The following DCLRE1C variants were observed in gnomAD, a reference collection of about 807,000 sequenced individuals.
DCLRE1C encodes the protein DNA cross-link repair 1C, also known as protein artemis.
A neutral mutation model predicts 61.4 loss-of-function variants in DCLRE1C; 47 were observed. That is an observed-to-expected ratio of 0.77 (90% CI 0.61 to 0.98). The LOEUF is 0.98. DCLRE1C is among the 50% of genes least tolerant of loss of function. DCLRE1C has a pLI of 0.00. For missense variants in DCLRE1C, 858 were observed against 816.0 expected, an observed-to-expected ratio of 1.05 and a Z score of -0.63; for synonymous variants, 337 against 287.6, an observed-to-expected ratio of 1.17 and a Z score of -1.74.
At chr10:14,926,093 C>T (rs1837928415) in intron 11 of DCLRE1C, among the ~76,000 whole-genome samples, 1 of 152,230 alleles carries the variant, frequency 6.6e-6, no homozygotes, top group Non-Finnish European at 1.5e-5. Flanking sequence ...CCCTGCGGAA[C>T]TATGAGTCAA....
At chr10:14,936,506 T>A (rs1165063477) in intron 5 of DCLRE1C, 32 bp downstream of exon 5, 1 of 1,576,264 alleles carries the variant, frequency 6.3e-7, no homozygotes, top group Non-Finnish European at 8.7e-7. Context: ...TGTCTACATA[T>A]AATAAAATGA....
intron 1 of DCLRE1C, among the ~76,000 whole-genome samples, chr10:14,950,379 A>G (rs1429359729): frequency 1.3e-5 from 2 of 151,432 alleles, no homozygotes; most frequent in Admixed American, 1.3e-4. Context: ...AAAAAAAACA[A>G]GAACAATAAA....
At chr10:14,937,108 A>T (rs1179982939) in intron 4 of DCLRE1C, among the ~76,000 whole-genome samples, 3 of 152,144 alleles carry the variant, frequency 2.0e-5, no homozygotes, top group Non-Finnish European at 4.4e-5. Context: ...GAACCCATGG[A>T]GACAGAGAGT....
At chr10:14,917,026 C>A (rs147386524) in intron 13 of DCLRE1C, among the ~76,000 whole-genome samples, 1 of 152,198 alleles carries the variant, frequency 6.6e-6, no homozygotes, top group Non-Finnish European at 1.5e-5. Flanking sequence ...CTACAGTAAT[C>A]GAGATGGGTG....
rs1834315999 is a variant in DCLRE1C at position 14,905,465 on chromosome 10, A to C, written c.*2943T>G. On this transcript the variant is annotated 3_prime_UTR_variant, in exon 14 of 14. Transcript: ENST00000378278. ...CTTTTATATGTATTCATGTGCTTCT[A>C]ATGAACCTGTCAGGTTGGTGTAAGG... Among the ~76,000 whole-genome samples the C allele has an allele frequency of 6.6e-6, 1 of 152,226 alleles. No individual in the cohort carries two copies. The highest frequency in any genetic ancestry group is 6.5e-5 in the Admixed American group (1 of 15,280).
chr10:14,926,541 C>G (rs578152810), intron 11 of DCLRE1C, among the ~76,000 whole-genome samples: 1 of 151,680 alleles, frequency 6.6e-6, no homozygotes, highest in South Asian at 2.1e-4. Context: ...GTAGTCCCAG[C>G]TATTCGGGAG....
At chr10:14,915,640 A>T (rs1198440267) in intron 13 of DCLRE1C, among the ~76,000 whole-genome samples, 3 of 138,526 alleles carry the variant, frequency 2.2e-5, no homozygotes, top group Non-Finnish European at 4.6e-5. Flanking sequence ...ATTTGTAGTT[A>T]AAAAAAAAAA....
chr10:14,915,083 CAAAGG>C (rs1380658339), intron 13 of DCLRE1C, among the ~76,000 whole-genome samples: 1 of 151,604 alleles, frequency 6.6e-6, no homozygotes, highest in Non-Finnish European at 1.5e-5. Flanking sequence ...GAAAAAAAGT[CAAAGG>C]AAAAATTTAA....
chr10:14,921,736 C>A (rs1837153905), intron 12 of DCLRE1C, among the ~76,000 whole-genome samples: 1 of 152,172 alleles, frequency 6.6e-6, no homozygotes, highest in Non-Finnish European at 1.5e-5. Flanking sequence ...GGGCCACTCT[C>A]TCCATCTTGG....
chr10:14,925,642 G>C (rs972445096), intron 11 of DCLRE1C, among the ~76,000 whole-genome samples: 3 of 152,112 alleles, frequency 2.0e-5, no homozygotes, highest in African/African-American at 7.2e-5. Context: ...ATGGTCAATA[G>C]CCCTATAACC....
At position 14,934,526 on chromosome 10, in the gene DCLRE1C, C is replaced by A. The variant is rs1322651521; in HGVS notation, c.538-6G>T. ...ACTCCACTTAAACACTCCTCCTAGA[C>A]AGGATTTTAAAGAGACATTTAACAG... On this transcript the variant is annotated splice_region_variant and splice_polypyrimidine_tract_variant and intron_variant, in intron 7 of 13. Transcript: ENST00000378278. 1 of 1,614,112 alleles carries A rather than the reference C, an allele frequency of 6.2e-7. No individual in the cohort carries two copies. Among genetic ancestry groups the A allele is most frequent in the Non-Finnish European group, 8.5e-7 (1 of 1,180,032 alleles).
intron 13 of DCLRE1C, among the ~76,000 whole-genome samples, chr10:14,919,508 C>T (rs186743117): frequency 1.3e-5 from 2 of 152,322 alleles, no homozygotes; most frequent in Non-Finnish European, 2.9e-5. Context: ...ACACCACACA[C>T]GATGGCACCG....
At position 14,908,203 on chromosome 10, in the gene DCLRE1C, T is replaced by A; in HGVS notation, c.*205A>T. On this transcript the variant is annotated 3_prime_UTR_variant, in exon 14 of 14. Transcript: ENST00000378278. ...TTTTTTTTTTGTAAGTAGAGACACA[T>A]TTCACTGTGTTGGCCAGGCTGGTGT... The A allele has an allele frequency of 1.1e-5, 4 of 357,606 alleles. No homozygotes were observed. The highest frequency in any genetic ancestry group is 1.4e-5 in the Non-Finnish European group (3 of 207,910). The allele number at this position is 357,606 out of a possible 1,614,324, so 22.2% of individuals were successfully genotyped here.
intron 1 of DCLRE1C, among the ~76,000 whole-genome samples, chr10:14,950,703 C>T (rs983216268): frequency 6.6e-6 from 1 of 152,196 alleles, no homozygotes; most frequent in African/African-American, 2.4e-5. Flanking sequence ...TGAATGCAGA[C>T]TCTGCATCCT....
chr10:14,954,431 C>G, upstream of DCLRE1C: 1 of 305,008 alleles, frequency 3.3e-6, no homozygotes, highest in East Asian at 8.0e-5. Context: ...TTCTTCGTTC[C>G]GCTTCCTGCT....
downstream of DCLRE1C, chr10:14,901,066 T>C: frequency 1.3e-6 from 2 of 1,555,508 alleles, no homozygotes; most frequent in South Asian, 2.4e-5. Flanking sequence ...GTAAACATTT[T>C]ATATGGCATG....
intron 12 of DCLRE1C, chr10:14,920,311 G>T: frequency 2.3e-6 from 2 of 874,916 alleles, no homozygotes; most frequent in Non-Finnish European, 1.4e-6. Flanking sequence ...AGGTCCTTAG[G>T]CTGAAAGCTA....
rs142564073 is a variant in DCLRE1C, at chr10:14,906,639, C to T, written c.*1769G>A. Among the ~76,000 whole-genome samples the T allele has an allele frequency of 1.6e-3, 251 of 152,244 alleles. 1 individual carries two copies. The highest frequency in any genetic ancestry group is 0.01 in the East Asian group (54 of 5,180). On this transcript the variant is annotated 3_prime_UTR_variant, in exon 14 of 14. Coordinates refer to ENST00000378278, the MANE Select transcript of DCLRE1C (RefSeq NM_001033855.3). ...TCTGGTGGATCCAATACTTTTTGGT[C>T]GGATTGCCATGCAGCATCATGATAA...
intron 11 of DCLRE1C, among the ~76,000 whole-genome samples, chr10:14,924,619 C>T (rs546280749): frequency 2.3e-4 from 35 of 152,140 alleles, no homozygotes; most frequent in South Asian, 6.2e-4. Context: ...GAGGCCGAGC[C>T]GGGTGGATCA....
Sources: gnomAD v4.1 joint callset for allele counts (sites outside exome capture counted in the v4.1 genomes callset) on GRCh38, gnomAD v4.1.1 for gene constraint, MANE v1.5 for transcripts, NCBI Gene and HGNC (gene_info 2026-07-23, HGNC 2026-07-21) for gene names.